Variants in PTPRN2 observed in about 807,000 individuals in gnomAD.
PTPRN2 encodes the protein receptor-type tyrosine-protein phosphatase N2.
PTPRN2 carries 74 observed loss-of-function variants against 118.8 expected under a neutral mutation model. The observed-to-expected ratio is 0.62, with a 90% CI of 0.52 to 0.76. PTPRN2 has a LOEUF of 0.76. PTPRN2 is among the 30% of genes least tolerant of loss of function. The pLI is 0.00. For synonymous variants in PTPRN2, 641 were observed against 608.0 expected (o/e 1.05, Z -0.80); for missense variants, 1,481 against 1,394.4 (o/e 1.06, Z -0.99).
In PTPRN2 at chr7:157,699,160, T is replaced by A. The variant is rs964039778; in HGVS notation, c.1789-16223A>T. ...TAATTCAGGTAATTCAGGTAAATGT[T>A]TGTTTCACAATTATATAACTTAGCC... is the stretch of plus-strand genomic sequence containing the variant. On this transcript the variant is annotated intron_variant, in intron 12 of 22. Transcript: ENST00000389418. Among the ~76,000 whole-genome samples the A allele has an allele frequency of 2.6e-5, 4 of 152,238 alleles. 1 individual carries two copies. In the South Asian group the frequency reaches 6.2e-4, roughly 24 times the overall value.
intron 11 of PTPRN2, among the ~76,000 whole-genome samples, chr7:157,978,863 A>T (rs925901222): frequency 4.6e-5 from 7 of 152,030 alleles, no homozygotes; most frequent in African/African-American, 1.4e-4. Context: ...ACGAGACCCC[A>T]GGAAGCATAG....
At chr7:157,824,653 G>T (rs1029173595) in intron 12 of PTPRN2, among the ~76,000 whole-genome samples, 2 of 152,204 alleles carry the variant, frequency 1.3e-5, no homozygotes, top group Admixed American at 6.5e-5. Flanking sequence ...GACCTGGCTC[G>T]ACAGGAAGTT....
chr7:158,469,735 C>CA (rs56040599), intron 2 of PTPRN2, among the ~76,000 whole-genome samples: 5,496 of 66,710 alleles, frequency 0.082, 129 homozygotes, highest in Middle Eastern at 0.12. Flanking sequence ...AAAACCTGGC[C>CA]AAAAAAAAAA....
intron 12 of PTPRN2, among the ~76,000 whole-genome samples, chr7:157,829,988 G>A (rs10280851): frequency 0.14 from 20,598 of 152,002 alleles, 2,624 homozygotes; most frequent in African/African-American, 0.33. Flanking sequence ...CAAAGACATT[G>A]TGTCCTGGTC....
intron 11 of PTPRN2, among the ~76,000 whole-genome samples, chr7:157,981,158 A>G (rs1217966479): frequency 6.6e-6 from 1 of 152,264 alleles, no homozygotes; most frequent in Non-Finnish European, 1.5e-5. Context: ...TTACCCTAAG[A>G]GTGACCTCAG....
At chr7:158,417,006 C>T (rs780580761) in intron 2 of PTPRN2, among the ~76,000 whole-genome samples, 8 of 151,386 alleles carry the variant, frequency 5.3e-5, no homozygotes, top group Non-Finnish European at 1.0e-4. Context: ...ACACACACTA[C>T]ATCGAGATGC....
chr7:157,592,222 G>T (rs557399780), intron 17 of PTPRN2, among the ~76,000 whole-genome samples: 1 of 152,326 alleles, frequency 6.6e-6, no homozygotes, highest in African/African-American at 2.4e-5. Context: ...TGTAAACACT[G>T]ATCAAATGAA....
At chr7:158,341,111 ACACCCACACGT>A (rs1318462827) in intron 2 of PTPRN2, among the ~76,000 whole-genome samples, 1 of 16,098 alleles carries the variant, frequency 6.2e-5, no homozygotes. Flanking sequence ...GACGTCACTC[ACACCCACACGT>A]CACTCACACC....
chr7:158,441,835 G>A (rs1817306926), intron 2 of PTPRN2, among the ~76,000 whole-genome samples: 1 of 147,066 alleles, frequency 6.8e-6, no homozygotes, highest in Non-Finnish European at 1.5e-5. Context: ...TGATGGTCAT[G>A]GCAGTGGTGG....
Position 157,603,892 on chromosome 7 carries a change from C to T in PTPRN2, c.2418+110G>A, listed in dbSNP as rs1250663015. ...GAGTCGGCCCTGTCCACCGCAGAGA[C>T]GCTGAGCTGGGTGGGGACGTGATTT... On this transcript the variant is annotated intron_variant, in intron 16 of 22. Transcript: ENST00000389418. The surrounding 1 kb of genome is among the most constrained non-coding windows in gnomAD (Gnocchi z 5.4). 40 of 1,037,734 alleles carry T rather than the reference C, an allele frequency of 3.9e-5. No individual in the cohort carries two copies. The highest frequency in any genetic ancestry group is 5.0e-5 in the East Asian group (2 of 39,662). The allele number at this position is 1,037,734 out of a possible 1,614,324, so 64.3% of individuals were successfully genotyped here. A position where few individuals can be genotyped will look rare whatever the true frequency, so the allele number is the denominator to read the frequency against.
intron 12 of PTPRN2, among the ~76,000 whole-genome samples, chr7:157,798,213 C>T (rs911952110): frequency 3.3e-5 from 5 of 152,252 alleles, no homozygotes; most frequent in African/African-American, 4.8e-5. Context: ...GAGCTGAGAT[C>T]GTGCCACTGC....
At chr7:157,781,200 C>T (rs1482251916) in intron 12 of PTPRN2, among the ~76,000 whole-genome samples, 2 of 152,222 alleles carry the variant, frequency 1.3e-5, no homozygotes, top group Non-Finnish European at 2.9e-5. Flanking sequence ...AAAAGTCTGT[C>T]CTTCCCAGGT....
rs1801759624 is a variant in PTPRN2 at position 157,964,376 on chromosome 7, C to T, written c.1724-65639G>A. 6.6e-6 allele frequency among the ~76,000 whole-genome samples: 1 copy of T among 151,848 alleles called. No individual in the cohort carries two copies. Among genetic ancestry groups the T allele is most frequent in the African/African-American group, 2.4e-5 (1 of 41,300 alleles). ...CAGCAAGATGTTGGCAACTGCTGGG[C>T]TGGATGGTTATTAGCATATTAGGAT... On this transcript the variant is annotated intron_variant, in intron 11 of 22. Coordinates refer to ENST00000389418, the MANE Select transcript of PTPRN2 (RefSeq NM_002847.5). This position sits in a 1 kb window ranked among gnomAD's most constrained non-coding sequence, Gnocchi z 9.0.
chr7:157,541,484 C>T (rs1030847187), intron 22 of PTPRN2, among the ~76,000 whole-genome samples: 2 of 152,378 alleles, frequency 1.3e-5, no homozygotes, highest in East Asian at 3.9e-4. Flanking sequence ...CAGGACTATT[C>T]GCTCCTCCAA....
intron 2 of PTPRN2, among the ~76,000 whole-genome samples, chr7:158,487,827 C>A (rs922553172): frequency 6.6e-6 from 1 of 152,054 alleles, no homozygotes; most frequent in Admixed American, 6.6e-5. Flanking sequence ...GACTGGGCAC[C>A]ACTGGCTTCG....
At chr7:158,540,903 T>A (rs1825951415) in intron 1 of PTPRN2, among the ~76,000 whole-genome samples, 1 of 152,232 alleles carries the variant, frequency 6.6e-6, no homozygotes, top group African/African-American at 2.4e-5. Flanking sequence ...GTGCCACGTG[T>A]CCAGTATTTA....
intron 5 of PTPRN2, among the ~76,000 whole-genome samples, chr7:158,190,856 T>C (rs1825704772): frequency 2.0e-5 from 3 of 152,250 alleles, no homozygotes; most frequent in Non-Finnish European, 4.4e-5. Context: ...CATTGTGACA[T>C]CCTCCTGAAG....
chr7:157,924,698 G>A (rs1798873295), intron 11 of PTPRN2, among the ~76,000 whole-genome samples: 2 of 152,256 alleles, frequency 1.3e-5, no homozygotes, highest in African/African-American at 4.8e-5. Context: ...AGTCAGCCAG[G>A]AGGCCACTGC....
At chr7:157,796,039 C>T (rs190543274) in intron 12 of PTPRN2, among the ~76,000 whole-genome samples, 3 of 152,228 alleles carry the variant, frequency 2.0e-5, no homozygotes, top group South Asian at 4.1e-4. Context: ...AAATGGCCCG[C>T]CCCGTGAAAC....
Sources: allele counts gnomAD v4.1 joint callset (sites outside exome capture counted in the v4.1 genomes callset), GRCh38; gene constraint gnomAD v4.1.1; non-coding constraint Gnocchi (gnomAD v3.1); transcripts MANE v1.5; gene names NCBI Gene and HGNC (gene_info 2026-07-23, HGNC 2026-07-21).